Variants in IGSF10 observed in about 807,000 individuals in gnomAD.
The protein encoded by IGSF10 is immunoglobulin superfamily member 10.
IGSF10 carries 126 observed loss-of-function variants against 128.2 expected under a neutral mutation model. The ratio of observed to expected loss-of-function variants is 0.98; its 90% CI spans 0.85 to 1.14. The LOEUF is 1.14. Ranked by LOEUF, IGSF10 falls within the 50% of genes most tolerant of loss-of-function variation. The probability of loss-of-function intolerance (pLI) is 0.00; values close to 1 mark genes in which losing one functional copy is unlikely to be tolerated. For missense variants in IGSF10, 3,295 were observed against 3,149.8 expected, an observed-to-expected ratio of 1.05 and a Z score of -1.10; for synonymous variants, 1,185 against 1,146.2, an observed-to-expected ratio of 1.03 and a Z score of -0.68.
the IGSF10 span, among the ~76,000 whole-genome samples, chr3:151,562,004 A>G: frequency 6.6e-6 from 1 of 152,220 alleles, no homozygotes; most frequent in Middle Eastern, 3.4e-3. Flanking sequence ...AACCAGAGCA[A>G]CTCCATCTTG....
chr3:151,496,721 A>G, the IGSF10 span, among the ~76,000 whole-genome samples: 1 of 151,894 alleles, frequency 6.6e-6, no homozygotes, highest in East Asian at 1.9e-4. Context: ...GTCAAATGGT[A>G]TTTCTAGTTC....
At chr3:151,526,264 G>A in the IGSF10 span, among the ~76,000 whole-genome samples, 8 of 151,888 alleles carry the variant, frequency 5.3e-5, no homozygotes, top group South Asian at 1.5e-3. Flanking sequence ...GATTGTCTAA[G>A]GCTGGAAGCC....
the IGSF10 span, among the ~76,000 whole-genome samples, chr3:151,604,592 AAC>A: frequency 0.29 from 42,136 of 144,304 alleles, 6,188 homozygotes; most frequent in South Asian, 0.48. Flanking sequence ...GTACCAATAT[AAC>A]ACACACACAC....
the IGSF10 span, among the ~76,000 whole-genome samples, chr3:151,576,732 CACGAGAGTTTACAAATGCCATG>C: frequency 6.6e-6 from 1 of 152,106 alleles, no homozygotes; most frequent in African/African-American, 2.4e-5. Context: ...CCACCAGTAC[CACGAGAGTTTACAAATGCCATG>C]CTCATGTGGG....
the IGSF10 span, among the ~76,000 whole-genome samples, chr3:151,604,176 C>A: frequency 1.3e-5 from 2 of 151,984 alleles, no homozygotes; most frequent in Non-Finnish European, 2.9e-5. Flanking sequence ...AAAGATGATT[C>A]TAATTATATT....
Position 151,438,431 on chromosome 3 carries a change from G to A in IGSF10, c.6130C>T (p.Gln2044Ter), listed in dbSNP as rs371854370. The A allele has an allele frequency of 6.2e-7, 1 of 1,614,094 alleles. No homozygotes were observed. The highest frequency in any genetic ancestry group is 8.5e-7 in the Non-Finnish European group (1 of 1,180,024). Residue 2044 changes from glutamine (Q) to a stop codon, truncating the protein, a stop_gained, in exon 8 of 8, where the codon CAG (glutamine) becomes TAG (stop). Transcript: ENST00000282466. LOFTEE classifies it low-confidence loss of function (END_TRUNC). ...TGGAGCACTTGCTTTCTAAAATACT[G>A]CTTGTGGTCAATTTTGGCAGGTTTC... ...RLKPAKIDHK[Q>*]YFRKQVLHGK...
At chr3:151,614,349 C>G in the IGSF10 span, among the ~76,000 whole-genome samples, 1 of 152,206 alleles carries the variant, frequency 6.6e-6, no homozygotes, top group South Asian at 2.1e-4. Flanking sequence ...ATAAATCATG[C>G]TGCTATAAAG....
chr3:151,486,335 C>A, the IGSF10 span, among the ~76,000 whole-genome samples: 2 of 152,120 alleles, frequency 1.3e-5, no homozygotes, highest in South Asian at 2.1e-4. Context: ...TCTTAGAGCC[C>A]TGCAAAGAGA....
At chr3:151,493,088 A>C in the IGSF10 span, among the ~76,000 whole-genome samples, 2 of 152,114 alleles carry the variant, frequency 1.3e-5, no homozygotes, top group Admixed American at 6.6e-5. Flanking sequence ...ATATTGCATG[A>C]TTTCACTCAT....
At chr3:151,520,697 C>T in the IGSF10 span, among the ~76,000 whole-genome samples, 3 of 151,632 alleles carry the variant, frequency 2.0e-5, no homozygotes, top group Non-Finnish European at 4.4e-5. Context: ...AGTTTGTTAC[C>T]ACCACACCTA....
chr3:151,563,684 G>A, the IGSF10 span, among the ~76,000 whole-genome samples: 2 of 152,024 alleles, frequency 1.3e-5, no homozygotes, highest in African/African-American at 2.4e-5. Context: ...TTGGTTTCCT[G>A]TAGTTGAATT....
At chr3:151,453,265 T>C in intron 5 of IGSF10, 119 bp downstream of exon 5, 1 of 809,858 alleles carries the variant, frequency 1.2e-6, no homozygotes, top group Non-Finnish European at 1.9e-6. Context: ...TATTCTTGAA[T>C]TATTTCTGAG....
At chr3:151,500,945 C>T in the IGSF10 span, among the ~76,000 whole-genome samples, 3 of 151,906 alleles carry the variant, frequency 2.0e-5, no homozygotes, top group Non-Finnish European at 4.4e-5. Flanking sequence ...TAAAATTTCC[C>T]TTCAGGGAAA....
At chr3:151,607,901 A>G in the IGSF10 span, among the ~76,000 whole-genome samples, 1 of 115,094 alleles carries the variant, frequency 8.7e-6, no homozygotes, top group Non-Finnish European at 1.7e-5. Flanking sequence ...ACAGAGTGAG[A>G]CTCCATCTCG....
At chr3:151,454,575 A>AAAAAACC (rs1721684864) in intron 4 of IGSF10, among the ~76,000 whole-genome samples, 1 of 96,410 alleles carries the variant, frequency 1.0e-5, no homozygotes, top group Admixed American at 1.1e-4. Flanking sequence ...ATGGTTGAAA[A>AAAAAACC]TTTTTATAAG....
intron 4 of IGSF10, 113 bp from the exon 5 acceptor site, chr3:151,453,887 C>A (rs1316797376): frequency 9.8e-6 from 6 of 613,244 alleles, no homozygotes; most frequent in Non-Finnish European, 1.7e-5. Context: ...AATTTATATA[C>A]CTTCTTAGGA....
At chr3:151,611,050 T>C in the IGSF10 span, among the ~76,000 whole-genome samples, 1 of 152,194 alleles carries the variant, frequency 6.6e-6, no homozygotes, top group African/African-American at 2.4e-5. Context: ...TCTATAACTT[T>C]GTAAAGTGCA....
chr3:151,468,550 G>C, the IGSF10 span, among the ~76,000 whole-genome samples: 1 of 152,070 alleles, frequency 6.6e-6, no homozygotes, highest in Non-Finnish European at 1.5e-5. Flanking sequence ...GGGCTCCCAG[G>C]GATTCTCTAC....
chr3:151,603,946 T>C, the IGSF10 span, among the ~76,000 whole-genome samples: 1 of 152,212 alleles, frequency 6.6e-6, no homozygotes, highest in Non-Finnish European at 1.5e-5. Flanking sequence ...GCCTGCGAGC[T>C]CTCTGAGCAC....
Sources: allele counts gnomAD v4.1 joint callset (sites outside exome capture counted in the v4.1 genomes callset), GRCh38; gene constraint gnomAD v4.1.1; transcripts MANE v1.5; gene names NCBI Gene and HGNC (gene_info 2026-07-23, HGNC 2026-07-21).